Variants in RSPO3 observed in about 807,000 individuals in gnomAD.
The protein encoded by RSPO3 is R-spondin 3.
A neutral mutation model predicts 36.5 loss-of-function variants in RSPO3; 17 were observed. That is an observed-to-expected ratio of 0.47 (90% CI 0.32 to 0.70). The LOEUF is 0.70. Ranked by LOEUF, RSPO3 falls within the 30% of genes least tolerant of loss-of-function variation. The probability of loss-of-function intolerance (pLI) is 0.04; values close to 1 mark genes in which losing one functional copy is unlikely to be tolerated. For synonymous variants in RSPO3, 108 were observed against 107.0 expected (o/e 1.01, Z -0.06); for missense variants, 294 against 322.5 (o/e 0.91, Z 0.68).
At chr6:127,188,256 G>T (rs1775335567) in intron 4 of RSPO3, among the ~76,000 whole-genome samples, 1 of 152,068 alleles carries the variant, frequency 6.6e-6, no homozygotes, top group Non-Finnish European at 1.5e-5. Flanking sequence ...TATTGGCAAT[G>T]GTCCATTTGT....
At chr6:127,124,113 A>G (rs1773895700) in intron 1 of RSPO3, among the ~76,000 whole-genome samples, 1 of 152,098 alleles carries the variant, frequency 6.6e-6, no homozygotes, top group African/African-American at 2.4e-5. Context: ...AGCCCTATGT[A>G]GAGTTAAGAC....
intron 4 of RSPO3, among the ~76,000 whole-genome samples, chr6:127,190,607 T>TAA (rs541569449): frequency 7.9e-4 from 120 of 152,126 alleles, no homozygotes; most frequent in Middle Eastern, 3.4e-3. Flanking sequence ...CCACACCAAA[T>TAA]AAAAAGAAAA....
rs533794310 is a variant in RSPO3 at position 127,171,720 on chromosome 6, T to C, written c.634+16282T>C. On this transcript the variant is annotated intron_variant, in intron 4 of 4. Coordinates refer to ENST00000356698, the MANE Select transcript of RSPO3 (RefSeq NM_032784.5). ...GGATTTCTGTCATTTATCCTTCCTC[T>C]TTTTGATTGCTAAATACATAATCTA... is the stretch of plus-strand genomic sequence containing the variant. Among the ~76,000 whole-genome samples, 9 of 151,864 alleles carry C rather than the reference T, an allele frequency of 5.9e-5. No homozygotes were observed. In the East Asian group the frequency reaches 9.7e-4, roughly 16 times the overall value.
Position 127,161,879 on chromosome 6 carries a change from G to A in RSPO3, c.634+6441G>A, listed in dbSNP as rs536669181. 6.6e-5 allele frequency among the ~76,000 whole-genome samples: 10 copies of A among 152,250 alleles called. No homozygotes were observed. In the East Asian group the frequency reaches 7.7e-4, roughly 12 times the overall value. On this transcript the variant is annotated intron_variant, in intron 4 of 4. Coordinates refer to ENST00000356698, the MANE Select transcript of RSPO3 (RefSeq NM_032784.5). ...TTGCCATTGTTTAGGTCTGGTGCAC[G>A]AGGATTGTTTCAGTTAGCTTTTGCT...
intron 4 of RSPO3, among the ~76,000 whole-genome samples, chr6:127,174,755 C>T (rs1446701801): frequency 6.6e-6 from 1 of 151,762 alleles, no homozygotes; most frequent in Non-Finnish European, 1.5e-5. Context: ...TGAACATAGT[C>T]ACCAACACAT....
chr6:127,119,056 T>C lies in RSPO3; in HGVS notation c.-137T>C. The C allele has an allele frequency of 1.7e-6, 1 of 603,464 alleles. No homozygotes were observed. The highest frequency in any genetic ancestry group is 2.9e-6 in the Non-Finnish European group (1 of 350,220). 37.4% of individuals were successfully genotyped at this position (603,464 alleles called of 1,614,324 possible). Reference sequence around the variant, plus strand: ...TTCGCTTGCCATCACAGCACGCCTATCGGATGTGAGAGGAGAAGTCCCGCT... The same window carrying C: ...TTCGCTTGCCATCACAGCACGCCTACCGGATGTGAGAGGAGAAGTCCCGCT... On this transcript the variant is annotated 5_prime_UTR_variant, in exon 1 of 5. Transcript: ENST00000356698.
chr6:127,161,842 C>A (rs1774715968), intron 4 of RSPO3, among the ~76,000 whole-genome samples: 1 of 152,128 alleles, frequency 6.6e-6, no homozygotes, highest in Admixed American at 6.6e-5. Context: ...AGCTCCTAAG[C>A]AAACAATGAT....
chr6:127,164,885 C>A (rs1039881672), intron 4 of RSPO3, among the ~76,000 whole-genome samples: 10 of 152,026 alleles, frequency 6.6e-5, no homozygotes, highest in Non-Finnish European at 1.2e-4. Context: ...GTTTTTTCTG[C>A]TGGAAGAGCT....
intron 4 of RSPO3, among the ~76,000 whole-genome samples, chr6:127,173,766 C>T (rs750804559): frequency 2.6e-5 from 4 of 151,814 alleles, no homozygotes; most frequent in Non-Finnish European, 5.9e-5. Flanking sequence ...TGGGTTTGTT[C>T]TTTGGGAACA....
chr6:127,151,554 C>T (rs932791023), intron 3 of RSPO3, among the ~76,000 whole-genome samples: 7 of 152,120 alleles, frequency 4.6e-5, no homozygotes, highest in Admixed American at 4.6e-4. Context: ...CTGGAGTCCC[C>T]ATCTTAGGGG....
At chr6:127,166,474 T>C (rs1774822744) in intron 4 of RSPO3, among the ~76,000 whole-genome samples, 1 of 152,036 alleles carries the variant, frequency 6.6e-6, no homozygotes, top group African/African-American at 2.4e-5. Context: ...TAACTATCGC[T>C]ATGACTTTAA....
rs935106414 is a variant in RSPO3, at chr6:127,119,342, G to C, written c.97+53G>C. The stretch of plus-strand genomic sequence containing the variant: ...CTCCCTCCCGCCGCGTTCACCTGTC[G>C]GGTCGCTTTGCCTGTCCGGAGCCGG... On this transcript the variant is annotated intron_variant, in intron 1 of 4. Transcript: ENST00000356698. 4.4e-6 allele frequency: 6 copies of C among 1,359,428 alleles called. No homozygotes were observed. In the South Asian group the frequency reaches 4.8e-5, roughly 11 times the overall value. 84.2% of individuals were successfully genotyped at this position (1,359,428 alleles called of 1,614,324 possible). A position where few individuals can be genotyped will look rare whatever the true frequency, so the allele number is the denominator to read the frequency against.
At chr6:127,127,777 C>T (rs1013298327) in intron 1 of RSPO3, among the ~76,000 whole-genome samples, 3 of 151,948 alleles carry the variant, frequency 2.0e-5, no homozygotes, top group Non-Finnish European at 4.4e-5. Flanking sequence ...CTAAATTCCA[C>T]CCACTCTTTC....
rs191076056 is a variant in RSPO3, at chr6:127,161,398, C to G, written c.634+5960C>G. On this transcript the variant is annotated intron_variant, in intron 4 of 4. Transcript: ENST00000356698. ...CTCTGCAGAAAATAAGACTTTATTT[C>G]ATGCCTTGCATTCCTTGATATTATA... 1.2e-4 allele frequency among the ~76,000 whole-genome samples: 19 copies of G among 152,158 alleles called. No individual in the cohort carries two copies. The East Asian group carries it at 3.7e-3, about 29-fold the overall frequency.
intron 4 of RSPO3, among the ~76,000 whole-genome samples, chr6:127,193,705 G>T (rs1469085275): frequency 6.6e-6 from 1 of 152,096 alleles, no homozygotes; most frequent in African/African-American, 2.4e-5. Flanking sequence ...TACATATTCA[G>T]AAAGGGAAAC....
intron 1 of RSPO3, among the ~76,000 whole-genome samples, chr6:127,128,826 A>C (rs1447957873): frequency 6.6e-6 from 1 of 152,112 alleles, no homozygotes; most frequent in Non-Finnish European, 1.5e-5. Context: ...AATGTAACAG[A>C]TGCTGGCTTC....
In RSPO3 at chr6:127,119,118, A is replaced by G. The variant is rs887737934; in HGVS notation, c.-75A>G. Reference sequence around the variant, plus strand: ...GTCTATATACGCCTAACACCTACATATATTTTAAAAACATTAAATATAATT... The same window carrying G: ...GTCTATATACGCCTAACACCTACATGTATTTTAAAAACATTAAATATAATT... On this transcript the variant is annotated 5_prime_UTR_variant, in exon 1 of 5. The change creates a new upstream start codon in the 5' untranslated region. Transcript: ENST00000356698. 11 of 1,191,972 alleles carry G rather than the reference A, an allele frequency of 9.2e-6. No homozygotes were observed. In the Admixed American group the frequency reaches 1.3e-4, roughly 14 times the overall value. The allele number at this position is 1,191,972 out of a possible 1,614,324, so 73.8% of individuals were successfully genotyped here.
intron 1 of RSPO3, among the ~76,000 whole-genome samples, chr6:127,125,918 A>T (rs1773930896): frequency 6.6e-6 from 1 of 152,140 alleles, no homozygotes; most frequent in Non-Finnish European, 1.5e-5. Context: ...GAGATGATTT[A>T]CAATAGTCCA....
chr6:127,142,826 G>GTTTTT (rs893123925), intron 1 of RSPO3, among the ~76,000 whole-genome samples: 2 of 148,768 alleles, frequency 1.3e-5, no homozygotes, highest in Non-Finnish European at 3.0e-5. Flanking sequence ...TTTTGTTTTT[G>GTTTTT]TTTTTTTTTA....
Sources: gnomAD v4.1 joint callset for allele counts (sites outside exome capture counted in the v4.1 genomes callset) on GRCh38, gnomAD v4.1.1 for gene constraint, MANE v1.5 for transcripts, NCBI Gene and HGNC (gene_info 2026-07-23, HGNC 2026-07-21) for gene names.